The following GFI1B variants were observed in gnomAD, a reference collection of about 807,000 sequenced individuals.
GFI1B encodes the protein growth factor independent 1B transcriptional repressor.
A neutral mutation model predicts 35.3 loss-of-function variants in GFI1B; 20 were observed. The ratio of observed to expected loss-of-function variants is 0.57; its 90% CI spans 0.40 to 0.82. GFI1B has a LOEUF of 0.82. Among genes scored for constraint, GFI1B ranks in the 40% least tolerant of loss-of-function variants. GFI1B has a pLI of 0.00. For synonymous variants in GFI1B, 178 were observed against 177.6 expected (o/e 1.00, Z -0.02); for missense variants, 430 against 446.3 (o/e 0.96, Z 0.33).
chr9:132,981,363 T>C (rs1419085380), intron 1 of GFI1B, among the ~76,000 whole-genome samples: 1 of 152,242 alleles, frequency 6.6e-6, no homozygotes, highest in African/African-American at 2.4e-5. Flanking sequence ...CACTCACTTT[T>C]GACATTGCAT....
chr9:132,974,086 T>A (rs1023842374), upstream of GFI1B, among the ~76,000 whole-genome samples: 1 of 152,182 alleles, frequency 6.6e-6, no homozygotes, highest in Non-Finnish European at 1.5e-5. Context: ...GGCGTGAGGA[T>A]GAGGCCAACA....
intron 1 of GFI1B, among the ~76,000 whole-genome samples, chr9:132,958,977 C>T (rs1848324830): frequency 6.6e-6 from 1 of 152,140 alleles, no homozygotes; most frequent in Non-Finnish European, 1.5e-5. Flanking sequence ...AGAGGGCTGG[C>T]CTATTGGGAT....
chr9:132,978,302 G>T (rs1183460155), upstream of GFI1B, among the ~76,000 whole-genome samples: 1 of 150,164 alleles, frequency 6.7e-6, no homozygotes, highest in East Asian at 1.9e-4. Flanking sequence ...AAGGAAAAAG[G>T]AGGGAAGGAG....
At chr9:132,971,411 A>G (rs1338398532) in intron 1 of GFI1B, among the ~76,000 whole-genome samples, 1 of 152,028 alleles carries the variant, frequency 6.6e-6, no homozygotes, top group Admixed American at 6.6e-5. Flanking sequence ...ACCTCACCCC[A>G]TGGCCTCCCA....
chr9:132,992,575 C>T (rs1438785695), downstream of GFI1B, among the ~76,000 whole-genome samples: 5 of 152,126 alleles, frequency 3.3e-5, no homozygotes, highest in South Asian at 2.1e-4. Flanking sequence ...CAGCCCAGCA[C>T]GTAGTAAGTG....
chr9:132,967,906 G>A (rs775466753), intron 1 of GFI1B, among the ~76,000 whole-genome samples: 4 of 151,832 alleles, frequency 2.6e-5, no homozygotes, highest in Non-Finnish European at 4.4e-5. Flanking sequence ...TCAGCCTCCC[G>A]AGTAGCTGGG....
At chr9:132,964,851 G>A (rs922808279) in intron 1 of GFI1B, among the ~76,000 whole-genome samples, 16 of 146,456 alleles carry the variant, frequency 1.1e-4, no homozygotes, top group Non-Finnish European at 1.6e-4. Context: ...GCGAGTCTCC[G>A]GCCTCAGCCT....
chr9:132,987,785 G>A (rs1225899448), intron 3 of GFI1B, among the ~76,000 whole-genome samples: 1 of 152,178 alleles, frequency 6.6e-6, no homozygotes, highest in South Asian at 2.1e-4. Context: ...TCCACATGAG[G>A]TGATGAAGGT....
At chr9:132,971,707 C>G (rs1848533828) in intron 1 of GFI1B, among the ~76,000 whole-genome samples, 1 of 152,196 alleles carries the variant, frequency 6.6e-6, no homozygotes, top group Non-Finnish European at 1.5e-5. Flanking sequence ...GGCATGGTGG[C>G]TCACGTCTGT....
At chr9:132,976,282 A>T (rs542025478), upstream of GFI1B, among the ~76,000 whole-genome samples, 2 of 152,236 alleles carry the variant, frequency 1.3e-5, no homozygotes, top group Non-Finnish European at 2.9e-5. Flanking sequence ...CACTTCCATA[A>T]AATCATGTTT....
chr9:132,956,051 T>G (rs550427998), intron 1 of GFI1B, among the ~76,000 whole-genome samples: 1 of 152,324 alleles, frequency 6.6e-6, no homozygotes, highest in South Asian at 2.1e-4. Flanking sequence ...GAAGGCAATC[T>G]GCTTTACTGA....
intron 1 of GFI1B, among the ~76,000 whole-genome samples, chr9:132,984,695 C>A (rs1031705729): frequency 5.9e-5 from 9 of 152,308 alleles, no homozygotes; most frequent in Admixed American, 5.9e-4. Context: ...GGATTGGGAT[C>A]CCCGTTTAGC....
intron 1 of GFI1B, among the ~76,000 whole-genome samples, chr9:132,984,896 A>T (rs535158234): frequency 3.3e-5 from 5 of 152,202 alleles, no homozygotes; most frequent in African/African-American, 1.2e-4. Flanking sequence ...GGAAGGGGTG[A>T]GTCCCTGGCC....
upstream of GFI1B, among the ~76,000 whole-genome samples, chr9:132,977,172 G>A (rs897695593): frequency 1.6e-4 from 25 of 152,248 alleles, 1 homozygote; most frequent in Non-Finnish European, 2.6e-4. Flanking sequence ...GGTCAGGCTG[G>A]TCTTGAACTC....
intron 1 of GFI1B, among the ~76,000 whole-genome samples, chr9:132,980,306 A>G (rs908306698): frequency 6.6e-5 from 10 of 152,208 alleles, no homozygotes; most frequent in Non-Finnish European, 8.8e-5. Context: ...CAGGGAAAAC[A>G]GCCTGATCAA....
At chr9:132,974,802 A>T (rs200331804), upstream of GFI1B, among the ~76,000 whole-genome samples, 1 of 96,260 alleles carries the variant, frequency 1.0e-5, no homozygotes, top group Non-Finnish European at 2.6e-5. Context: ...AGGCTTGGGG[A>T]AATCAGAGAG....
chr9:132,968,942 A>C (rs1848490595), intron 1 of GFI1B, among the ~76,000 whole-genome samples: 1 of 152,124 alleles, frequency 6.6e-6, no homozygotes, highest in African/African-American at 2.4e-5. Flanking sequence ...TCGCAAAACC[A>C]AAACTCTGTC....
intron 1 of GFI1B, among the ~76,000 whole-genome samples, chr9:132,955,331 C>A (rs1848266783): frequency 1.3e-5 from 2 of 151,892 alleles, no homozygotes; most frequent in South Asian, 4.2e-4. Context: ...ACTCTGTCAC[C>A]CGGGATGGAG....
At chr9:132,969,901 G>T (rs1044129083) in intron 1 of GFI1B, among the ~76,000 whole-genome samples, 1 of 152,162 alleles carries the variant, frequency 6.6e-6, no homozygotes, top group Non-Finnish European at 1.5e-5. Flanking sequence ...TCATCCTTCA[G>T]GGAAAATTTC....
Sources: allele counts gnomAD v4.1 joint callset (sites outside exome capture counted in the v4.1 genomes callset), GRCh38; gene constraint gnomAD v4.1.1; transcripts MANE v1.5; gene names NCBI Gene and HGNC (gene_info 2026-07-23, HGNC 2026-07-21).